The following MYH11 variants were observed in gnomAD, a reference collection of about 807,000 sequenced individuals.
MYH11 encodes myosin heavy chain 11.
Under a neutral mutation model 246.6 loss-of-function variants are expected in MYH11, and 80 were observed. That is an observed-to-expected ratio of 0.32 (90% CI 0.27 to 0.39). The LOEUF is 0.39. Among genes scored for constraint, MYH11 ranks in the 10% least tolerant of loss-of-function variants. The pLI is 1.00. For missense variants in MYH11, 2,158 were observed against 2,546.8 expected, an observed-to-expected ratio of 0.85 and a Z score of 3.29; for synonymous variants, 1,071 against 1,015.5, an observed-to-expected ratio of 1.05 and a Z score of -1.04.
At chr16:15,711,064 G>A (rs1342803574) in intron 40 of MYH11, 1 of 152,278 alleles carries the variant, frequency 6.6e-6, no homozygotes, top group East Asian at 1.9e-4. Context: ...TACTTTGGGA[G>A]CCTAGGCCTG....
rs1486496020 is a variant in MYH11 at position 15,721,517 on chromosome 16, C to T, written c.4483G>A (p.Ala1495Thr). ...ALSLARALEE[A>T]LEAKEELERT... ...TCGAGTTCCTCTTTGGCTTCCAAGGCCTCTTCAAGGGCCCGAGCCAGGGAC... is the reference window on the plus strand; with the variant it reads ...TCGAGTTCCTCTTTGGCTTCCAAGGTCTCTTCAAGGGCCCGAGCCAGGGAC... The change falls in exon 32 of 41, where the codon GCC (alanine) becomes ACC (threonine). Residue 1495 changes from alanine (A) to threonine (T), a missense_variant. Ala to Thr is a moderately conservative substitution (Grantham distance 58). Around this residue, in one of 11 missense-constraint regions of MYH11, gnomAD observed 1,013 missense variants for 993.5 expected, o/e 1.02. Coordinates refer to ENST00000300036, the MANE Select transcript of MYH11 (RefSeq NM_002474.3). 6.2e-7 allele frequency: 1 copy of T among 1,614,202 alleles called. No homozygotes were observed. Among genetic ancestry groups the T allele is most frequent in the Middle Eastern group, 1.6e-4 (1 of 6,062 alleles).
At chr16:15,837,258 T>A (rs2043921546) in intron 2 of MYH11, among the ~76,000 whole-genome samples, 1 of 152,208 alleles carries the variant, frequency 6.6e-6, no homozygotes, top group Admixed American at 6.5e-5. Context: ...AAAGTGGTTA[T>A]GAGCTCTTCT....
At chr16:15,747,066 C>T (rs1054575405) in intron 19 of MYH11, among the ~76,000 whole-genome samples, 2 of 148,778 alleles carry the variant, frequency 1.3e-5, no homozygotes, top group South Asian at 2.1e-4. Context: ...CCAGCCTGGG[C>T]GACAGAGAGA....
chr16:15,704,022 G>C lies in MYH11; in HGVS notation c.5888C>G (p.Ala1963Gly), dbSNP rs1203781203. Residue 1963 changes from alanine to glycine, a missense_variant, in exon 41 of 41, where the codon GCA becomes GGA. By Grantham distance (60) the Ala-to-Gly change is moderately conservative. Coordinates refer to ENST00000300036, the MANE Select transcript of MYH11 (RefSeq NM_002474.3). ...ACTGGCCTTGGTTCCATTGAAGTCT[G>C]CGTCTCGAGTGTCCGTTTCCTCCTC... ...GSEEETDTRDADFNGTKASE is the reference protein window; with the variant it reads ...GSEEETDTRDGDFNGTKASE The C allele has an allele frequency of 1.2e-6, 2 of 1,614,060 alleles. No homozygotes were observed. The highest frequency in any genetic ancestry group is 3.3e-5 in the Admixed American group (2 of 59,984).
rs202022141 is a variant in MYH11 at position 15,757,622 on chromosome 16, GA to G, written c.1575+204del. ...GGATGGAAGGAAGGCAGAAATTAAAGAAAATACCTTTGATATGAAAATGTGG... is the reference window on the plus strand; with the variant it reads ...GGATGGAAGGAAGGCAGAAATTAAAGAAATACCTTTGATATGAAAATGTGG... On this transcript the variant is annotated intron_variant, in intron 13 of 40. Transcript: ENST00000300036. 1.7e-3 allele frequency among the ~76,000 whole-genome samples: 252 copies of G among 148,064 alleles called. 5 individuals are homozygous for G. In the East Asian group the frequency reaches 0.047, roughly 27 times the overall value.
chr16:15,851,532 T>G (rs1472190742), intron 1 of MYH11, among the ~76,000 whole-genome samples: 2 of 151,992 alleles, frequency 1.3e-5, no homozygotes, highest in African/African-American at 4.8e-5. Context: ...CTGCTAAGAG[T>G]AAATGGACAC....
chr16:15,847,025 T>C (rs1310814322), intron 1 of MYH11, among the ~76,000 whole-genome samples: 1 of 152,162 alleles, frequency 6.6e-6, no homozygotes, highest in Non-Finnish European at 1.5e-5. Flanking sequence ...CTTTTTTGGT[T>C]GTAAAGTACA....
intron 20 of MYH11, chr16:15,742,133 G>C: frequency 1.7e-6 from 1 of 604,740 alleles, no homozygotes; most frequent in Non-Finnish European, 3.0e-6. Context: ...CCCCACAACA[G>C]AATTAGTCAC....
At chr16:15,793,395 T>G (rs76355490) in intron 4 of MYH11, among the ~76,000 whole-genome samples, 4,997 of 151,504 alleles carry the variant, frequency 0.033, 268 homozygotes, top group African/African-American at 0.11. Context: ...CAAGCTCAAG[T>G]GATCCTCCCT....
At chr16:15,749,773 G>A (rs909766813) in intron 16 of MYH11, 20 of 376,062 alleles carry the variant, frequency 5.3e-5, no homozygotes, top group African/African-American at 2.4e-4. Flanking sequence ...GGACACAATC[G>A]CCCCAAGCTG....
intron 1 of MYH11, among the ~76,000 whole-genome samples, chr16:15,849,639 CAG>C (rs1186199424): frequency 2.0e-5 from 3 of 151,790 alleles, no homozygotes; most frequent in Admixed American, 1.3e-4. Flanking sequence ...TTTGTAGAGA[CAG>C]GGGTCTCACT....
At chr16:15,775,884 A>T (rs1227182509) in intron 8 of MYH11, 194 bp downstream of exon 8, 4 of 640,426 alleles carry the variant, frequency 6.2e-6, no homozygotes, top group Admixed American at 4.6e-5. Flanking sequence ...GTAGGTGCTC[A>T]GTAAATGAGA....
Position 15,732,576 on chromosome 16 carries a change from C to A in MYH11, c.3639G>T (p.Glu1213Asp). The A allele has an allele frequency of 6.2e-7, 1 of 1,614,284 alleles. No homozygotes were observed. The change falls in exon 27 of 41, where the codon GAG becomes GAT. Residue 1213 changes from glutamate to aspartate, a missense_variant. Glu to Asp is a conservative substitution (Grantham distance 45). Coordinates refer to ENST00000300036, the MANE Select transcript of MYH11 (RefSeq NM_002474.3). ...QAVEELTEQL[E>D]QFKRAKANLD... The stretch of plus-strand genomic sequence containing the variant: ...CAAAAAGCATTACCCTCTTGAACTG[C>A]TCAAGCTGCTCTGTGAGCTCCTCCA...
chr16:15,728,798 G>A (rs1344599892), intron 27 of MYH11, among the ~76,000 whole-genome samples: 1 of 152,088 alleles, frequency 6.6e-6, no homozygotes, highest in African/African-American at 2.4e-5. Context: ...TGCTGAGGAG[G>A]CTGAAGCAGG....
chr16:15,756,920 T>A (rs1169891316), intron 13 of MYH11, among the ~76,000 whole-genome samples: 1 of 146,412 alleles, frequency 6.8e-6, no homozygotes, highest in African/African-American at 2.5e-5. Context: ...TGCCTCAGCC[T>A]CCCGAGTAGC....
At chr16:15,749,933 C>T (rs1257663956) in intron 16 of MYH11, 1 of 644,624 alleles carries the variant, frequency 1.6e-6, no homozygotes, top group Non-Finnish European at 2.7e-6. Context: ...CACAGCAACT[C>T]CACAACTGAA....
chr16:15,729,670 C>T (rs560236123), intron 27 of MYH11, among the ~76,000 whole-genome samples: 2 of 152,094 alleles, frequency 1.3e-5, no homozygotes, highest in African/African-American at 2.4e-5. Flanking sequence ...CATGTCTCAG[C>T]CTCCCAAGTA....
At chr16:15,838,595 C>T (rs542767654) in intron 1 of MYH11, among the ~76,000 whole-genome samples, 4 of 152,172 alleles carry the variant, frequency 2.6e-5, no homozygotes, top group African/African-American at 9.7e-5. Context: ...CAAGGTGGCT[C>T]ACACCTGTAA....
chr16:15,817,205 A>G (rs536589320), intron 3 of MYH11, among the ~76,000 whole-genome samples: 1 of 152,272 alleles, frequency 6.6e-6, no homozygotes, highest in East Asian at 1.9e-4. Context: ...CCAAAAACAA[A>G]CCACGGCCGG....
Sources: gnomAD v4.1 joint callset for allele counts (sites outside exome capture counted in the v4.1 genomes callset) on GRCh38, gnomAD v4.1.1 for gene constraint, gnomAD v4.1.1 regional missense constraint, MANE v1.5 for transcripts, NCBI Gene and HGNC (gene_info 2026-07-23, HGNC 2026-07-21) for gene names.